Variants in NONO observed in about 807,000 individuals in gnomAD.
NONO encodes the protein non-POU domain containing octamer binding.
NONO carries 6 observed loss-of-function variants against 40.2 expected under a neutral mutation model. That is an observed-to-expected ratio of 0.15 (90% CI 0.08 to 0.29). The LOEUF is 0.29. Ranked by LOEUF, NONO falls within the 10% of genes least tolerant of loss-of-function variation. NONO has a pLI of 1.00. For synonymous variants in NONO, 89 were observed against 123.3 expected, an observed-to-expected ratio of 0.72 and a Z score of 1.85; for missense variants, 133 against 397.8, an observed-to-expected ratio of 0.33 and a Z score of 5.66.
chrX:71,289,464 T>A (rs1301021446), intron 2 of NONO, among the ~76,000 whole-genome samples: 1 of 110,366 alleles, frequency 9.1e-6, no homozygotes, highest in Non-Finnish European at 1.9e-5. Context: ...GCTAATTTTT[T>A]GTATTTTTAG....
Position 71,297,469 on chromosome X carries a change from T to C in NONO, c.1028+8T>C. On this transcript the variant is annotated splice_region_variant and intron_variant, in intron 8 of 11. Transcript: ENST00000276079. The stretch of plus-strand genomic sequence containing the variant: ...AAAGCAACTGGAGCTCAGGTAACTT[T>C]TCTCGAACACTTTTTCCCTAACAAC... 8.7e-7 allele frequency: 1 copy of C among 1,147,736 alleles called. No individual in the cohort carries two copies. The highest frequency in any genetic ancestry group is 3.2e-5 in the East Asian group (1 of 31,092). 94.6% of individuals were successfully genotyped at this position (1,147,736 alleles called of 1,213,427 possible). A position where few individuals can be genotyped will look rare whatever the true frequency, so the allele number is the denominator to read the frequency against.
intron 5 of NONO, among the ~76,000 whole-genome samples, chrX:71,295,267 A>T (rs1331394673): frequency 9.4e-6 from 1 of 106,099 alleles, no homozygotes; most frequent in Non-Finnish European, 1.9e-5. Context: ...GGGACAGATC[A>T]CCAGGTCAGG....
intron 4 of NONO, 72 bp from the exon 5 acceptor site, chrX:71,294,155 C>A: frequency 9.5e-7 from 1 of 1,050,373 alleles, no homozygotes. Context: ...AACTATACTG[C>A]TTTAGACTGT....
intron 10 of NONO, 38 bp from the exon 11 acceptor site, chrX:71,298,669 T>C: frequency 8.8e-7 from 1 of 1,142,023 alleles, no homozygotes; most frequent in South Asian, 1.8e-5. Flanking sequence ...AGACTAACAA[T>C]CTTTATCCCT....
In NONO at chrX:71,294,289, G is replaced by A; in HGVS notation, c.411G>A (p.Lys137=). 8.2e-7 allele frequency: 1 copy of A among 1,212,170 alleles called. No individual in the cohort carries two copies. The highest frequency in any genetic ancestry group is 1.8e-5 in the South Asian group (1 of 57,037). The change falls in exon 5 of 12, where the codon AAG becomes AAA. Residue 137 remains lysine, a synonymous_variant. Coordinates refer to ENST00000276079, the MANE Select transcript of NONO (RefSeq NM_007363.5). ...TGGACAATATGCCACTCCGTGGAAA[G>A]CAGCTGCGTGTGCGCTTTGCCTGCC... The part of the protein sequence containing the change: ...VELDNMPLRG[K]QLRVRFACHS...
At chrX:71,293,888 C>T (rs2031379983) in intron 4 of NONO, 3 of 208,948 alleles carry the variant, frequency 1.4e-5, no homozygotes, top group Non-Finnish European at 2.6e-5. Context: ...CCTCGGCCTC[C>T]CAAAATTCTG....
chrX:71,299,401 A>G (rs2031526407), intron 11 of NONO, among the ~76,000 whole-genome samples: 1 of 112,173 alleles, frequency 8.9e-6, no homozygotes, highest in Non-Finnish European at 1.9e-5. Context: ...CTCAGTCTCT[A>G]TACTTAATCT....
chrX:71,294,132 C>T (rs762503615), intron 4 of NONO, 95 bp from the exon 5 acceptor site: 15 of 860,341 alleles, frequency 1.7e-5, no homozygotes, highest in Middle Eastern at 3.3e-4. Flanking sequence ...TTAGTTTTTC[C>T]GGGGAGATAT....
chrX:71,290,553 CAT>C, intron 2 of NONO, 74 bp from the exon 3 acceptor site: 22 of 833,031 alleles, frequency 2.6e-5, no homozygotes, highest in Non-Finnish European at 3.9e-5. Context: ...TGATGAATTA[CAT>C]ATAAGTCATC....
rs2031259464 is a variant in NONO, at chrX:71,288,859, G to A, written c.-9-1770G>A. Among the ~76,000 whole-genome samples the A allele has an allele frequency of 3.6e-5, 4 of 112,199 alleles. No individual in the cohort carries two copies. The Admixed American group carries it at 3.8e-4, about 11-fold the overall frequency. ...TATTTTTATCATCCCCTTTAGAACAGCTGAAGAAACAGGTACAGAGTAATT... is the reference window on the plus strand; with the variant it reads ...TATTTTTATCATCCCCTTTAGAACAACTGAAGAAACAGGTACAGAGTAATT... On this transcript the variant is annotated intron_variant, in intron 2 of 11. Transcript: ENST00000276079.
chrX:71,286,630 G>A (rs1403150457), intron 2 of NONO, among the ~76,000 whole-genome samples: 1 of 111,630 alleles, frequency 9.0e-6, no homozygotes, highest in African/African-American at 3.3e-5. Context: ...TAGAATATCA[G>A]ACATACTCGT....
At chrX:71,288,296 T>C (rs1171028222) in intron 2 of NONO, among the ~76,000 whole-genome samples, 1 of 108,525 alleles carries the variant, frequency 9.2e-6, no homozygotes, top group Non-Finnish European at 1.9e-5. Flanking sequence ...GAGGTGGGGC[T>C]CACTATGTTG....
chrX:71,285,658 A>G (rs1430520597), intron 2 of NONO, among the ~76,000 whole-genome samples: 1 of 112,186 alleles, frequency 8.9e-6, no homozygotes, highest in Non-Finnish European at 1.9e-5. Context: ...AATTACAATT[A>G]TGTTGACATT....
Position 71,300,286 on chromosome X carries a change from C to G in NONO, c.*210C>G. On this transcript the variant is annotated 3_prime_UTR_variant, in exon 12 of 12. Coordinates refer to ENST00000276079, the MANE Select transcript of NONO (RefSeq NM_007363.5). ...TGTGTGGTATATTGTTTAATCAGTT[C>G]TGTGTGGTGCATTCCTGAAGTCTCT... is the stretch of plus-strand genomic sequence containing the variant. 2.3e-6 allele frequency: 1 copy of G among 429,384 alleles called. No individual in the cohort carries two copies. The highest frequency in any genetic ancestry group is 2.5e-5 in the African/African-American group (1 of 40,663). 35.4% of individuals were successfully genotyped at this position (429,384 alleles called of 1,213,427 possible).
chrX:71,288,352 A>C (rs1046683758), intron 2 of NONO, among the ~76,000 whole-genome samples: 2 of 109,917 alleles, frequency 1.8e-5, no homozygotes, highest in African/African-American at 3.3e-5. Flanking sequence ...CCTCCTGCCT[A>C]GACCTCCCAG....
chrX:71,287,232 C>G (rs1187655762), intron 2 of NONO, among the ~76,000 whole-genome samples: 1 of 109,508 alleles, frequency 9.1e-6, no homozygotes, highest in African/African-American at 3.3e-5. Flanking sequence ...AGATGCCCAC[C>G]ACCATGCCCA....
At chrX:71,286,636 C>A (rs1461117167) in intron 2 of NONO, among the ~76,000 whole-genome samples, 1 of 111,692 alleles carries the variant, frequency 9.0e-6, no homozygotes, top group African/African-American at 3.3e-5. Context: ...ATCAGACATA[C>A]TCGTGTTTAT....
chrX:71,295,906 C>T (rs2031437195), intron 5 of NONO, among the ~76,000 whole-genome samples: 1 of 111,664 alleles, frequency 9.0e-6, no homozygotes, highest in East Asian at 2.8e-4. Context: ...GGTAGGTTGT[C>T]ATGTAGTCAG....
rs372304237 is a variant in NONO, at chrX:71,285,023, A to G, written c.-10+570A>G. 3.6e-4 allele frequency: 41 copies of G among 112,578 alleles called. 2 individuals carry two copies. Among genetic ancestry groups the G allele is most frequent in the Admixed American group, 2.9e-3 (31 of 10,569 alleles). 9.3% of individuals were successfully genotyped at this position (112,578 alleles called of 1,213,427 possible). ...GGCGACAGTGAATTTATTACTCTGA[A>G]GAGGGTTCTGCACATATTTCCAAAT... On this transcript the variant is annotated intron_variant, in intron 2 of 11. Transcript: ENST00000276079.
Sources: gnomAD v4.1 joint callset for allele counts (sites outside exome capture counted in the v4.1 genomes callset) on GRCh38, gnomAD v4.1.1 for gene constraint, MANE v1.5 for transcripts, NCBI Gene and HGNC (gene_info 2026-07-23, HGNC 2026-07-21) for gene names.